LRRC74B: variants seen among roughly 807,000 people sequenced by gnomAD.
LRRC74B encodes leucine-rich repeat-containing protein 74B.
LRRC74B carries 30 observed loss-of-function variants against 16.6 expected under a neutral mutation model. That is an observed-to-expected ratio of 1.80 (90% CI 1.35 to 2.45). The LOEUF (loss-of-function observed/expected upper bound fraction) is 2.45, where lower values mean the gene tolerates loss of function less well. LRRC74B is among the 30% of genes most tolerant of loss of function. The pLI is 0.00. For synonymous variants in LRRC74B, 134 were observed against 86.0 expected (o/e 1.56, Z -3.09); for missense variants, 326 against 202.4 (o/e 1.61, Z -3.71).
chr22:21,050,980 CAAAAAAAAAAAAAAA>C (rs56383758), intron 4 of LRRC74B, among the ~76,000 whole-genome samples: 1 of 73,426 alleles, frequency 1.4e-5, no homozygotes, highest in East Asian at 4.3e-4. Context: ...GACTCCGTCT[CAAAAAAAAAAAAAAA>C]AAAAAAAAAA....
At chr22:21,057,296 G>C in intron 8 of LRRC74B, 96 bp downstream of exon 8, 1 of 670,732 alleles carries the variant, frequency 1.5e-6, no homozygotes, top group Non-Finnish European at 2.7e-6. Context: ...CAGAAATCAA[G>C]AGCCCTGCCC....
rs1307904907 is a variant in LRRC74B at position 21,047,925 on chromosome 22, T to A, written c.324T>A (p.Tyr108Ter). The A allele has an allele frequency of 4.2e-6, 3 of 717,346 alleles. No homozygotes were observed. The Admixed American group carries it at 6.0e-5, about 14-fold the overall frequency. The allele number at this position is 717,346 out of a possible 1,614,324, so 44.4% of individuals were successfully genotyped here. A position where few individuals can be genotyped will look rare whatever the true frequency, so the allele number is the denominator to read the frequency against. Residue 108 changes from tyrosine to a stop codon, truncating the protein, a stop_gained, in exon 3 of 9, where the codon TAT becomes TAA. Transcript: ENST00000442047. LOFTEE classifies it high-confidence loss of function. ...CTTCCTCATTGAGCTCCAATCCATATGTCAAGCGGCTGGACCTTCGAGACA... is the reference window on the plus strand; with the variant it reads ...CTTCCTCATTGAGCTCCAATCCATAAGTCAAGCGGCTGGACCTTCGAGACA...
chr22:21,057,177 G>T, exon 8 of LRRC74B: 1 of 717,398 alleles, frequency 1.4e-6, no homozygotes, highest in Non-Finnish European at 2.6e-6. Context: ...TCCAGCCTCT[G>T]CCCTGGAACT....
intron 7 of LRRC74B, among the ~76,000 whole-genome samples, chr22:21,055,503 G>C (rs534536694): frequency 2.6e-5 from 4 of 152,152 alleles, no homozygotes; most frequent in Admixed American, 1.3e-4. Context: ...GCCCCACCCA[G>C]GTGTTCTGTT....
At chr22:21,060,556 A>T, downstream of LRRC74B, 1 of 692,396 alleles carries the variant, frequency 1.4e-6, no homozygotes, top group Middle Eastern at 2.5e-4. Context: ...CTCATCTCCA[A>T]TCAGCTGCTT....
At chr22:21,053,407 G>T (rs538198780) in exon 6 of LRRC74B, 2 of 717,418 alleles carry the variant, frequency 2.8e-6, no homozygotes, top group East Asian at 5.4e-5. Context: ...ATGGCTTTGG[G>T]GATCCTGGAG....
intron 8 of LRRC74B, 111 bp downstream of exon 8, chr22:21,057,311 A>G (rs1310698899): frequency 4.6e-5 from 29 of 635,482 alleles, no homozygotes; most frequent in Middle Eastern, 3.0e-4. Flanking sequence ...CTGCCCAGTT[A>G]CACAGCGTGG....
chr22:21,048,373 T>C (rs1456767147), intron 3 of LRRC74B: 1 of 287,472 alleles, frequency 3.5e-6, no homozygotes, highest in Non-Finnish European at 6.8e-6. Flanking sequence ...AGGTAGGCAA[T>C]GTGGGAGTTT....
At chr22:21,057,233 C>T in intron 8 of LRRC74B, 33 bp downstream of exon 8, 1 of 715,226 alleles carries the variant, frequency 1.4e-6, no homozygotes, top group Non-Finnish European at 2.6e-6. Flanking sequence ...GTTTCTGATC[C>T]TCCCAGCAGC....
At chr22:21,050,071 C>T (rs1438899772) in intron 4 of LRRC74B, among the ~76,000 whole-genome samples, 1 of 152,134 alleles carries the variant, frequency 6.6e-6, no homozygotes, top group Non-Finnish European at 1.5e-5. Context: ...GAGTCTCGCT[C>T]TGTCACCCAG....
At chr22:21,047,402 G>A (rs1353345243) in exon 2 of LRRC74B, 3 of 717,396 alleles carry the variant, frequency 4.2e-6, no homozygotes, top group Non-Finnish European at 7.8e-6. Context: ...TGTACCTGAG[G>A]TCTTGCCGGG....
At chr22:21,053,731 C>G (rs1248037256) in intron 6 of LRRC74B, 1 of 294,544 alleles carries the variant, frequency 3.4e-6, no homozygotes, top group Non-Finnish European at 6.2e-6. Context: ...TCAAGCAATC[C>G]CACCACCTCA....
chr22:21,051,773 C>G (rs1323579312), intron 4 of LRRC74B, among the ~76,000 whole-genome samples: 3 of 152,140 alleles, frequency 2.0e-5, no homozygotes, highest in Non-Finnish European at 4.4e-5. Flanking sequence ...TCACTGGCTT[C>G]CCCCTCCCCA....
At chr22:21,047,322 C>A in intron 1 of LRRC74B, 34 bp from the exon 2 acceptor site, 1 of 712,006 alleles carries the variant, frequency 1.4e-6, no homozygotes, top group South Asian at 1.5e-5. Flanking sequence ...TGTAGCTGTG[C>A]AGGGTCCACA....
At chr22:21,060,301 C>T (rs1930748034) in intron 8 of LRRC74B, 72 bp from the exon 9 acceptor site, 5 of 635,294 alleles carry the variant, frequency 7.9e-6, no homozygotes, top group South Asian at 5.7e-5. Context: ...TGAGACCTTG[C>T]GTGTGTGAGT....
At chr22:21,051,383 G>T (rs1382989029) in intron 4 of LRRC74B, among the ~76,000 whole-genome samples, 1 of 152,122 alleles carries the variant, frequency 6.6e-6, no homozygotes, top group Non-Finnish European at 1.5e-5. Context: ...TGCCCAGGCT[G>T]GTCTTGAACT....
chr22:21,058,988 C>T (rs1311828771), intron 8 of LRRC74B, among the ~76,000 whole-genome samples: 2 of 152,222 alleles, frequency 1.3e-5, no homozygotes, highest in African/African-American at 4.8e-5. Context: ...CATGATGGTT[C>T]ACGCCTATAA....
chr22:21,058,029 A>G (rs1223142246), intron 8 of LRRC74B, among the ~76,000 whole-genome samples: 13 of 149,136 alleles, frequency 8.7e-5, no homozygotes, highest in East Asian at 5.9e-4. Flanking sequence ...AGGATTACAG[A>G]TGTGTGCCAC....
At position 21,054,956 on chromosome 22, in the gene LRRC74B, G is replaced by T. The variant is rs1017985665; in HGVS notation, c.849-142G>T. The T allele has an allele frequency of 3.3e-5, 21 of 633,512 alleles. 1 individual carries two copies. Among genetic ancestry groups the T allele is most frequent in the Admixed American group, 6.8e-5 (3 of 44,044 alleles). 39.2% of individuals were successfully genotyped at this position (633,512 alleles called of 1,614,324 possible). On this transcript the variant is annotated intron_variant, in intron 6 of 8. Transcript: ENST00000442047. ...ACCTTTTACCTGTTGATCTGTCCAGGGTTCCTGGGGTGTGAGTGGAGGGAA... is the reference window on the plus strand; with the variant it reads ...ACCTTTTACCTGTTGATCTGTCCAGTGTTCCTGGGGTGTGAGTGGAGGGAA...
Sources: allele counts gnomAD v4.1 joint callset (sites outside exome capture counted in the v4.1 genomes callset), GRCh38; gene constraint gnomAD v4.1.1; transcripts MANE v1.5; gene names NCBI Gene and HGNC (gene_info 2026-07-23, HGNC 2026-07-21).